The following CDON variants were observed in gnomAD, a reference collection of about 807,000 sequenced individuals.
CDON encodes the protein cell adhesion molecule-related/down-regulated by oncogenes.
A neutral mutation model predicts 120.9 loss-of-function variants in CDON; 73 were observed. The ratio of observed to expected loss-of-function variants is 0.60; its 90% confidence interval spans 0.50 to 0.73. The LOEUF is 0.73. CDON is among the 30% of genes least tolerant of loss of function. CDON has a pLI of 0.00. For synonymous variants in CDON, 566 were observed against 573.5 expected, an observed-to-expected ratio of 0.99 and a Z score of 0.19; for missense variants, 1,470 against 1,587.3, an observed-to-expected ratio of 0.93 and a Z score of 1.26.
chr11:126,010,942 TA>T (rs1316418807), intron 7 of CDON: 1 of 544,030 alleles, frequency 1.8e-6, no homozygotes, highest in East Asian at 4.4e-5. Context: ...GGAATATATA[TA>T]AAGAAATCTT....
At chr11:126,011,742 G>A (rs546601129) in intron 7 of CDON, among the ~76,000 whole-genome samples, 3 of 152,274 alleles carry the variant, frequency 2.0e-5, no homozygotes, top group Admixed American at 6.5e-5. Flanking sequence ...CCTTTAAAAT[G>A]AGCCTTTTAA....
rs757942170 is a variant in CDON at position 126,010,412 on chromosome 11, T to C, written c.1481A>G (p.His494Arg). 6.2e-7 allele frequency: 1 copy of C among 1,614,186 alleles called. No individual in the cohort carries two copies. Among genetic ancestry groups the C allele is most frequent in the South Asian group, 1.1e-5 (1 of 91,080 alleles). The change falls in exon 8 of 20, where the codon CAT becomes CGT. Residue 494 changes from histidine to arginine, a missense_variant. Transcript: ENST00000531738. ...AGCTTCGCAGATGTATTTCCCCGCA[T>C]GTTCCTGAGTCACAGCCTGAATATG... is the stretch of plus-strand genomic sequence containing the variant. ...SLHIQAVTQE[H>R]AGKYICEAAN...
chr11:126,009,213 C>A (rs1947219871), intron 8 of CDON, among the ~76,000 whole-genome samples: 1 of 152,234 alleles, frequency 6.6e-6, no homozygotes, highest in Non-Finnish European at 1.5e-5. Context: ...CTGGTCTCCA[C>A]CACTTCTCCT....
chr11:126,003,746 G>A (rs1947028766), intron 10 of CDON, among the ~76,000 whole-genome samples, 156 bp downstream of exon 10: 1 of 152,168 alleles, frequency 6.6e-6, no homozygotes, highest in Non-Finnish European at 1.5e-5. Flanking sequence ...CTTGAACCGG[G>A]GAGGCGGAGG....
At chr11:126,021,222 C>T (rs757169540) in intron 3 of CDON, 26 bp downstream of exon 3, 59 of 1,612,422 alleles carry the variant, frequency 3.7e-5, no homozygotes, top group Non-Finnish European at 4.9e-5. Flanking sequence ...AAAACCCATA[C>T]CTAACAGGGA....
intron 17 of CDON, among the ~76,000 whole-genome samples, chr11:125,980,622 T>C (rs1003813965): frequency 1.3e-5 from 2 of 152,222 alleles, no homozygotes. Context: ...CTGAAGACAC[T>C]GTCTGTGCTC....
intron 15 of CDON, 30 bp from the exon 16 acceptor site, chr11:125,984,123 T>C (rs764214324): frequency 4.2e-6 from 6 of 1,434,598 alleles, no homozygotes; most frequent in Non-Finnish European, 4.9e-6. Context: ...AAACATGATG[T>C]CAGAGTGAAT....
intron 5 of CDON, 103 bp downstream of exon 5, chr11:126,018,227 T>G: frequency 7.9e-7 from 1 of 1,266,356 alleles, no homozygotes; most frequent in Non-Finnish European, 1.1e-6. Flanking sequence ...TAAGACTTTT[T>G]ATGATAAACA....
At chr11:125,968,945 TA>T (rs1945881949) in intron 18 of CDON, among the ~76,000 whole-genome samples, 1 of 152,202 alleles carries the variant, frequency 6.6e-6, no homozygotes, top group Non-Finnish European at 1.5e-5. Flanking sequence ...CATCATCTGC[TA>T]AAAAGGAACA....
Position 126,001,732 on chromosome 11 carries a change from A to G in CDON, c.2145T>C (p.Ser715=), listed in dbSNP as rs1347849048. Residue 715 remains serine (S), a synonymous_variant, in exon 11 of 20, where the codon TCT becomes TCC. Coordinates refer to ENST00000531738, the MANE Select transcript of CDON (RefSeq NM_001378964.1). ...TCTTCTTTTTACCTCCACTGTGCCT[A>G]GAGGAATCTGTAAGTACCACTCCAA... ...NNFGVVLTDS[S]RHSGVPEAPD... is the part of the protein sequence containing the mutation. 1.2e-6 allele frequency: 2 copies of G among 1,613,454 alleles called. No individual in the cohort carries two copies. Among genetic ancestry groups the G allele is most frequent in the Admixed American group, 1.7e-5 (1 of 60,002 alleles).
chr11:125,956,953 T>C lies in CDON; in HGVS notation c.*3989A>G. The C allele has an allele frequency of 1.4e-6, 1 of 736,508 alleles. No individual in the cohort carries two copies. Among genetic ancestry groups the C allele is most frequent in the Non-Finnish European group, 1.7e-6 (1 of 602,738 alleles). 45.6% of individuals were successfully genotyped at this position (736,508 alleles called of 1,614,324 possible). A position where few individuals can be genotyped will look rare whatever the true frequency, so the allele number is the denominator to read the frequency against. ...TAAAATACAAAAGGGCCACACCCGA[T>C]GCAAAAGACTTTGCTGGCTTTCTGG... On this transcript the variant is annotated 3_prime_UTR_variant, in exon 20 of 20. Transcript: ENST00000531738.
At chr11:126,061,640 C>A (rs1013577556) in intron 1 of CDON, among the ~76,000 whole-genome samples, 8 of 152,224 alleles carry the variant, frequency 5.3e-5, no homozygotes, top group African/African-American at 1.7e-4. Context: ...GACTTGGCGT[C>A]TTTCATCTTT....
At position 125,973,373 on chromosome 11, in the gene CDON, A is replaced by T. The variant is rs528280702; in HGVS notation, c.3356+4931T>A. 5.3e-5 allele frequency among the ~76,000 whole-genome samples: 8 copies of T among 152,270 alleles called. No individual in the cohort carries two copies. In the South Asian group the frequency reaches 1.5e-3, roughly 28 times the overall value. On this transcript the variant is annotated intron_variant, in intron 18 of 19. Coordinates refer to ENST00000531738, the MANE Select transcript of CDON (RefSeq NM_001378964.1). Reference sequence around the variant, plus strand: ...TGGTGAAACCCCGTCTCTACTAAAAATGCAAAAAATTAGCCGGGCGTGGTG... The same window carrying T: ...TGGTGAAACCCCGTCTCTACTAAAATTGCAAAAAATTAGCCGGGCGTGGTG...
At chr11:125,984,143 A>G in intron 15 of CDON, 50 bp from the exon 16 acceptor site, 1 of 1,301,610 alleles carries the variant, frequency 7.7e-7, no homozygotes, top group Non-Finnish European at 1.1e-6. Context: ...TACAGACTCC[A>G]TGAAATGGTT....
chr11:126,051,508 G>A (rs766738139), intron 1 of CDON, among the ~76,000 whole-genome samples: 7 of 152,064 alleles, frequency 4.6e-5, no homozygotes, highest in Middle Eastern at 3.4e-3. Context: ...CTGAGCTAAC[G>A]TTTATCTGAT....
At chr11:126,042,279 A>G (rs1948282965) in intron 1 of CDON, among the ~76,000 whole-genome samples, 1 of 152,232 alleles carries the variant, frequency 6.6e-6, no homozygotes, top group Admixed American at 6.5e-5. Context: ...GAGCTGCCCA[A>G]GAAAGACTCA....
intron 9 of CDON, chr11:126,005,395 G>A (rs1258963298): frequency 4.3e-6 from 1 of 235,110 alleles, no homozygotes; most frequent in Non-Finnish European, 8.4e-6. Flanking sequence ...TCAAACAGTT[G>A]TTTTTAATAA....
At chr11:125,987,500 A>G (rs1387612956) in intron 15 of CDON, among the ~76,000 whole-genome samples, 1 of 152,260 alleles carries the variant, frequency 6.6e-6, no homozygotes, top group Non-Finnish European at 1.5e-5. Context: ...ATTATGTAAT[A>G]TGTAATTACG....
At chr11:125,979,445 G>A (rs1431395518) in intron 17 of CDON, among the ~76,000 whole-genome samples, 1 of 152,120 alleles carries the variant, frequency 6.6e-6, no homozygotes, top group Non-Finnish European at 1.5e-5. Context: ...GCAGGGTAAC[G>A]TTGTGACTTA....
Sources: gnomAD v4.1 joint callset for allele counts (sites outside exome capture counted in the v4.1 genomes callset) on GRCh38, gnomAD v4.1.1 for gene constraint, MANE v1.5 for transcripts, NCBI Gene and HGNC (gene_info 2026-07-23, HGNC 2026-07-21) for gene names.